RNF216: variants seen among roughly 807,000 people sequenced by gnomAD.
The protein encoded by RNF216 is E3 ubiquitin-protein ligase RNF216.
A neutral mutation model predicts 110.8 loss-of-function variants in RNF216; 72 were observed. The ratio of observed to expected loss-of-function variants is 0.65; its 90% CI spans 0.54 to 0.79. The LOEUF is 0.79. RNF216 is among the 30% of genes least tolerant of loss of function. The pLI, the probability that RNF216 is intolerant of heterozygous loss-of-function variation, is 0.00. For missense variants in RNF216, 1,342 were observed against 1,141.2 expected, an observed-to-expected ratio of 1.18 and a Z score of -2.54; for synonymous variants, 495 against 407.5, an observed-to-expected ratio of 1.21 and a Z score of -2.59.
Position 5,725,310 on chromosome 7 carries a change from A to G in RNF216, c.1504+14T>C, listed in dbSNP as rs1440981205. The G allele has an allele frequency of 2.1e-6, 3 of 1,430,526 alleles. No homozygotes were observed. The highest frequency in any genetic ancestry group is 2.3e-5 in the South Asian group (2 of 87,206). 88.6% of individuals were successfully genotyped at this position (1,430,526 alleles called of 1,614,324 possible). On this transcript the variant is annotated intron_variant, in intron 8 of 16. Transcript: ENST00000389902. ...GTTGCAGCTACACACTGCCACCAAC[A>G]CAGTTTGCATTACCTTGTTCAAACT...
chr7:5,732,819 A>G (rs1794170444), intron 5 of RNF216, among the ~76,000 whole-genome samples: 1 of 152,214 alleles, frequency 6.6e-6, no homozygotes, highest in Admixed American at 6.5e-5. Context: ...CTGATCTGAC[A>G]TGCTAGCAGT....
At position 5,647,328 on chromosome 7, in the gene RNF216, CTT is replaced by C. The variant is rs10617479; in HGVS notation, c.2159+5083_2159+5084del. Among the ~76,000 whole-genome samples, 314 of 94,814 alleles carry C rather than the reference CTT, an allele frequency of 3.3e-3. 2 individuals carry two copies. The highest frequency in any genetic ancestry group is 7.7e-3 in the South Asian group (20 of 2,598). 62.2% of individuals were successfully genotyped at this position (94,814 alleles called of 152,430 possible). On this transcript the variant is annotated intron_variant, in intron 14 of 16. Coordinates refer to ENST00000389902, the MANE Select transcript of RNF216 (RefSeq NM_207111.4). ...TCTGAAACCTTCATTTTCTTTCTTT[CTT>C]TTTTTTTTTTTTTTTTTTTTTGAGA...
intron 9 of RNF216, among the ~76,000 whole-genome samples, 179 bp from the exon 10 acceptor site, chr7:5,716,945 A>G (rs1793101322): frequency 6.6e-6 from 1 of 152,254 alleles, no homozygotes; most frequent in African/African-American, 2.4e-5. Context: ...TAGAAAATAC[A>G]GGACAATATT....
In RNF216 at chr7:5,632,779, A is replaced by G. The variant is rs924013561; in HGVS notation, c.2382+8375T>C. On this transcript the variant is annotated intron_variant, in intron 15 of 16. Coordinates refer to ENST00000389902, the MANE Select transcript of RNF216 (RefSeq NM_207111.4). Reference sequence around the variant, plus strand: ...GCGACAAGAGCAAAACTCCATCTCCAAAAAACAAAACGAAGCCCTCCAGTG... The same window carrying G: ...GCGACAAGAGCAAAACTCCATCTCCGAAAAACAAAACGAAGCCCTCCAGTG... Among the ~76,000 whole-genome samples the G allele has an allele frequency of 2.0e-5, 3 of 152,114 alleles. No individual in the cohort carries two copies. In the East Asian group the frequency reaches 5.8e-4, roughly 30 times the overall value.
rs770938855 is a variant in RNF216 at position 5,620,504 on chromosome 7, C to T, written c.*2356G>A. ...CCGAGGTTCAGGCCCTGCCTCTGGA[C>T]AGAGGGGCCTGGAGAACCAGGGTGG... On this transcript the variant is annotated 3_prime_UTR_variant, in exon 17 of 17. Coordinates refer to ENST00000389902, the MANE Select transcript of RNF216 (RefSeq NM_207111.4). 1 of 152,372 alleles carries T rather than the reference C, an allele frequency of 6.6e-6. No individual in the cohort carries two copies. Among genetic ancestry groups the T allele is most frequent in the Non-Finnish European group, 1.5e-5 (1 of 68,068 alleles). The allele number at this position is 152,372 out of a possible 1,614,324, so 9.4% of individuals were successfully genotyped here.
intron 1 of RNF216, among the ~76,000 whole-genome samples, chr7:5,761,862 T>C (rs536941201): frequency 6.6e-6 from 1 of 152,012 alleles, no homozygotes; most frequent in Admixed American, 6.5e-5. Flanking sequence ...TGGGAAATCA[T>C]CTTATACATT....
At chr7:5,669,367 G>T (rs1460600597) in intron 13 of RNF216, among the ~76,000 whole-genome samples, 1 of 152,108 alleles carries the variant, frequency 6.6e-6, no homozygotes, top group Non-Finnish European at 1.5e-5. Context: ...GGCAATCACA[G>T]GGAGGCTGAC....
chr7:5,726,487 C>T (rs1247566423), intron 7 of RNF216, among the ~76,000 whole-genome samples: 2 of 152,172 alleles, frequency 1.3e-5, no homozygotes, highest in Admixed American at 1.3e-4. Context: ...AGTTCAAAAT[C>T]CTTCCACTGG....
chr7:5,660,542 G>A (rs1410774006), intron 13 of RNF216, among the ~76,000 whole-genome samples: 3 of 151,682 alleles, frequency 2.0e-5, no homozygotes, highest in South Asian at 2.1e-4. Flanking sequence ...CACCCATCTC[G>A]GCCTCCCAAA....
chr7:5,687,553 G>A (rs1791073368), intron 13 of RNF216, among the ~76,000 whole-genome samples: 1 of 152,100 alleles, frequency 6.6e-6, no homozygotes, highest in Non-Finnish European at 1.5e-5. Flanking sequence ...GGACCTAAAT[G>A]ACATCTTAAG....
chr7:5,767,504 T>A (rs140631624), intron 1 of RNF216, among the ~76,000 whole-genome samples: 17 of 152,114 alleles, frequency 1.1e-4, no homozygotes, highest in African/African-American at 4.1e-4. Flanking sequence ...GTTGTTAACC[T>A]ATGCCACATA....
At chr7:5,770,786 G>A (rs939806613) in intron 1 of RNF216, among the ~76,000 whole-genome samples, 3 of 151,906 alleles carry the variant, frequency 2.0e-5, no homozygotes, top group African/African-American at 7.3e-5. Flanking sequence ...CAATGGAACA[G>A]AGTGCAGAAC....
intron 13 of RNF216, among the ~76,000 whole-genome samples, chr7:5,692,084 T>C (rs1010464773): frequency 6.6e-6 from 1 of 152,154 alleles, no homozygotes; most frequent in Non-Finnish European, 1.5e-5. Flanking sequence ...TGCTGAAAAA[T>C]AGAATGACAG....
intron 14 of RNF216, among the ~76,000 whole-genome samples, chr7:5,649,266 C>T (rs1443298886): frequency 1.3e-5 from 2 of 151,986 alleles, no homozygotes; most frequent in African/African-American, 4.8e-5. Context: ...GTAGCAGGCG[C>T]CTGTAATCCC....
chr7:5,687,584 C>T (rs1400742569), intron 13 of RNF216, among the ~76,000 whole-genome samples: 1 of 152,064 alleles, frequency 6.6e-6, no homozygotes, highest in Admixed American at 6.6e-5. Context: ...TTCTAAAAGG[C>T]TGTGACAAGC....
intron 15 of RNF216, among the ~76,000 whole-genome samples, chr7:5,640,599 A>G (rs1345729603): frequency 6.6e-6 from 1 of 152,208 alleles, no homozygotes; most frequent in Non-Finnish European, 1.5e-5. Flanking sequence ...AATCAAGAAG[A>G]AATATTTGAT....
intron 1 of RNF216, chr7:5,777,760 T>C (rs1796863488): frequency 2.0e-5 from 3 of 152,244 alleles, no homozygotes; most frequent in African/African-American, 4.8e-5. Flanking sequence ...ACAATTAGTC[T>C]AGAGTTTAAC....
At chr7:5,748,521 C>T (rs969419394) in intron 3 of RNF216, among the ~76,000 whole-genome samples, 6 of 151,918 alleles carry the variant, frequency 3.9e-5, no homozygotes. Flanking sequence ...GGATTATAGG[C>T]GTGAGCCACC....
intron 1 of RNF216, among the ~76,000 whole-genome samples, chr7:5,770,221 G>C (rs546805097): frequency 6.6e-6 from 1 of 151,654 alleles, no homozygotes; most frequent in Non-Finnish European, 1.5e-5. Flanking sequence ...CAGCACTTTC[G>C]GAGGCCAAGG....
Sources: gnomAD v4.1 joint callset for allele counts (sites outside exome capture counted in the v4.1 genomes callset) on GRCh38, gnomAD v4.1.1 for gene constraint, MANE v1.5 for transcripts, NCBI Gene and HGNC (gene_info 2026-07-23, HGNC 2026-07-21) for gene names.